The following RNGTT variants were observed in gnomAD, a reference collection of about 807,000 sequenced individuals.
RNGTT encodes the protein mRNA-capping enzyme.
In RNGTT, 33 loss-of-function variants were observed where a neutral mutation model predicts 79.3. The observed-to-expected ratio is 0.42, with a 90% CI of 0.32 to 0.56. The LOEUF is 0.56. Ranked by LOEUF, RNGTT falls within the 20% of genes least tolerant of loss-of-function variation. The pLI is 0.17. For missense variants in RNGTT, 497 were observed against 739.1 expected (o/e 0.67, Z 3.80); for synonymous variants, 222 against 235.9 (o/e 0.94, Z 0.54).
At chr6:88,920,364 A>G (rs1784127885) in intron 4 of RNGTT, among the ~76,000 whole-genome samples, 1 of 152,208 alleles carries the variant, frequency 6.6e-6, no homozygotes, top group Non-Finnish European at 1.5e-5. Context: ...TGCTATGTGA[A>G]CAGTTACTAT....
At chr6:88,665,110 A>G (rs1051303562) in intron 14 of RNGTT, among the ~76,000 whole-genome samples, 1 of 152,014 alleles carries the variant, frequency 6.6e-6, no homozygotes, top group Non-Finnish European at 1.5e-5. Flanking sequence ...TTACAACTGA[A>G]GTTGCCTGGA....
rs187269666 is a variant in RNGTT at position 88,635,391 on chromosome 6, C to T, written c.1507-20996G>A. ...TCAGGCCTTCCAACTGAGGAGTGGA[C>T]AGGAACAGAAAACTCATCTTTCATC... On this transcript the variant is annotated intron_variant, in intron 14 of 15. Transcript: ENST00000369485. Among the ~76,000 whole-genome samples, 290 of 152,140 alleles carry T rather than the reference C, an allele frequency of 1.9e-3. 4 individuals are homozygous for T. Among genetic ancestry groups the T allele is most frequent in the African/African-American group, 6.8e-3 (284 of 41,548 alleles).
At chr6:88,847,272 C>T (rs747529858) in intron 10 of RNGTT, among the ~76,000 whole-genome samples, 1 of 151,544 alleles carries the variant, frequency 6.6e-6, no homozygotes, top group South Asian at 2.1e-4. Flanking sequence ...TCTTTAAAGG[C>T]AAGAAATTAT....
At chr6:88,949,158 T>TAA (rs1491197999) in intron 1 of RNGTT, among the ~76,000 whole-genome samples, 96 of 18,016 alleles carry the variant, frequency 5.3e-3, no homozygotes, top group African/African-American at 0.024. Context: ...TAAAATAAAA[T>TAA]GAAAAAAAAA....
intron 13 of RNGTT, among the ~76,000 whole-genome samples, chr6:88,736,112 C>T (rs1283316867): frequency 6.6e-6 from 1 of 152,090 alleles, no homozygotes; most frequent in Non-Finnish European, 1.5e-5. Flanking sequence ...AAGGCACAAG[C>T]TACCAAAAGT....
At chr6:88,762,267 C>A (rs1335701706) in intron 13 of RNGTT, among the ~76,000 whole-genome samples, 1 of 152,110 alleles carries the variant, frequency 6.6e-6, no homozygotes, top group Non-Finnish European at 1.5e-5. Context: ...GCTGTCTGAC[C>A]CACGGAATAA....
chr6:88,743,334 C>G lies in RNGTT; in HGVS notation c.1439+26440G>C, dbSNP rs1001127536. Among the ~76,000 whole-genome samples, 3 of 152,038 alleles carry G rather than the reference C, an allele frequency of 2.0e-5. No individual in the cohort carries two copies. The East Asian group carries it at 5.8e-4, about 29-fold the overall frequency. ...TTTTATTACGGTAAAATATACAGAACAAAATGTAGCATCTTAACCACTTTT... is the reference window on the plus strand; with the variant it reads ...TTTTATTACGGTAAAATATACAGAAGAAAATGTAGCATCTTAACCACTTTT... On this transcript the variant is annotated intron_variant, in intron 13 of 15. Coordinates refer to ENST00000369485, the MANE Select transcript of RNGTT (RefSeq NM_003800.5).
intron 13 of RNGTT, among the ~76,000 whole-genome samples, chr6:88,764,901 T>G (rs1778399750): frequency 6.6e-6 from 1 of 151,982 alleles, no homozygotes; most frequent in African/African-American, 2.4e-5. Flanking sequence ...AGGTAAAAAA[T>G]TACATTTTGG....
intron 13 of RNGTT, among the ~76,000 whole-genome samples, chr6:88,716,362 G>C (rs1776513329): frequency 6.6e-6 from 1 of 152,098 alleles, no homozygotes. Flanking sequence ...CTTTTACACT[G>C]TTGGTGGGAC....
At chr6:88,808,244 A>G (rs945986716) in intron 11 of RNGTT, among the ~76,000 whole-genome samples, 21 of 152,216 alleles carry the variant, frequency 1.4e-4, no homozygotes, top group African/African-American at 4.8e-4. Context: ...GATTTATAAC[A>G]TATGTAAAAA....
chr6:88,890,207 C>T (rs1338839254), intron 8 of RNGTT, among the ~76,000 whole-genome samples: 1 of 151,928 alleles, frequency 6.6e-6, no homozygotes, highest in Non-Finnish European at 1.5e-5. Flanking sequence ...AGCAGACATA[C>T]CAAAAACCAT....
intron 11 of RNGTT, among the ~76,000 whole-genome samples, chr6:88,832,994 C>T (rs1237511906): frequency 6.6e-6 from 1 of 152,026 alleles, no homozygotes; most frequent in East Asian, 1.9e-4. Context: ...AAATTAGTTC[C>T]ATCATTGTGG....
chr6:88,846,518 C>T (rs1781488081), intron 10 of RNGTT, among the ~76,000 whole-genome samples: 1 of 152,084 alleles, frequency 6.6e-6, no homozygotes, highest in Non-Finnish European at 1.5e-5. Flanking sequence ...AAGGCTAAAG[C>T]GGGCAGATTG....
intron 13 of RNGTT, among the ~76,000 whole-genome samples, chr6:88,696,601 TACACACACAC>T (rs67058652): frequency 9.5e-5 from 14 of 147,594 alleles, no homozygotes; most frequent in African/African-American, 3.0e-4. Flanking sequence ...AATCCTGAAG[TACACACACAC>T]ACACACACAC....
At chr6:88,672,604 G>T (rs1345260025) in intron 14 of RNGTT, among the ~76,000 whole-genome samples, 1 of 152,100 alleles carries the variant, frequency 6.6e-6, no homozygotes, top group Non-Finnish European at 1.5e-5. Flanking sequence ...TGGGTACATT[G>T]TACACTGCTC....
chr6:88,618,774 G>A (rs188992332), intron 14 of RNGTT, among the ~76,000 whole-genome samples: 7 of 152,232 alleles, frequency 4.6e-5, no homozygotes, highest in Admixed American at 2.0e-4. Flanking sequence ...AGATGAAAAC[G>A]GATCTAGTAC....
intron 2 of RNGTT, among the ~76,000 whole-genome samples, chr6:88,934,894 G>A (rs1784618820): frequency 6.6e-6 from 1 of 152,124 alleles, no homozygotes; most frequent in Admixed American, 6.5e-5. Flanking sequence ...GATTACAGGT[G>A]TAAGCCACTG....
intron 13 of RNGTT, among the ~76,000 whole-genome samples, chr6:88,694,523 A>C (rs1235987420): frequency 6.6e-6 from 1 of 152,126 alleles, no homozygotes; most frequent in Admixed American, 6.6e-5. Flanking sequence ...CATACTACCC[A>C]GTGATTACAG....
At chr6:88,688,320 C>T (rs1204086471) in intron 13 of RNGTT, among the ~76,000 whole-genome samples, 1 of 152,148 alleles carries the variant, frequency 6.6e-6, no homozygotes, top group African/African-American at 2.4e-5. Context: ...ATCAGTAAGG[C>T]CTCATGCCTT....
Sources: gnomAD v4.1 joint callset for allele counts (sites outside exome capture counted in the v4.1 genomes callset) on GRCh38, gnomAD v4.1.1 for gene constraint, MANE v1.5 for transcripts, NCBI Gene and HGNC (gene_info 2026-07-23, HGNC 2026-07-21) for gene names.